NDUFAF6: variants seen among roughly 807,000 people sequenced by gnomAD.
NDUFAF6 encodes NADH:ubiquinone oxidoreductase complex assembly factor 6.
Under a neutral mutation model 40.8 loss-of-function variants are expected in NDUFAF6, and 45 were observed. The observed-to-expected ratio is 1.10, with a 90% CI of 0.87 to 1.42. The LOEUF is 1.42. NDUFAF6 is among the 40% of genes most tolerant of loss of function. The pLI is 0.00. For missense variants in NDUFAF6, 435 were observed against 418.5 expected, an observed-to-expected ratio of 1.04 and a Z score of -0.34; for synonymous variants, 185 against 155.9, an observed-to-expected ratio of 1.19 and a Z score of -1.39.
intron 2 of NDUFAF6, among the ~76,000 whole-genome samples, chr8:95,006,183 C>A (rs1165500650): frequency 4.0e-5 from 6 of 151,664 alleles, no homozygotes; most frequent in Admixed American, 3.9e-4. Flanking sequence ...CATGGTGAAA[C>A]CCTGTCTCTA....
chr8:95,052,207 G>A lies in NDUFAF6; in HGVS notation c.850G>A (p.Ala284Thr), dbSNP rs1831515972. ...CTTTCACAAAACTGTTCCTGTGAAA[G>A]CATTTCCTGCTTTTCTTCAGACGGT... Reference protein sequence around the residue: ...RSFHKTVPVKAFPAFLQTVSL... With the variant: ...RSFHKTVPVKTFPAFLQTVSL... Residue 284 changes from alanine to threonine, a missense_variant, in exon 8 of 9, where the codon GCA (alanine) becomes ACA (threonine). Physicochemically the swap from Ala to Thr is moderately conservative, Grantham distance 58. Transcript: ENST00000396124. The A allele has an allele frequency of 1.9e-6, 3 of 1,614,090 alleles. No individual in the cohort carries two copies. Among genetic ancestry groups the A allele is most frequent in the Admixed American group, 1.7e-5 (1 of 60,028 alleles).
Position 94,959,530 on chromosome 8 carries a change from G to GT in NDUFAF6, c.-199+1359dup, listed in dbSNP as rs3039193. Among the ~76,000 whole-genome samples, 20 of 146,480 alleles carry GT rather than the reference G, an allele frequency of 1.4e-4. 1 individual carries two copies. The highest frequency in any genetic ancestry group is 1.2e-3 in the East Asian group (6 of 5,020). On this transcript the variant is annotated intron_variant, in intron 1 of 9. Coordinates refer to the NDUFAF6 transcript ENST00000396111. Reference sequence around the variant, plus strand: ...GCCAATTTTTTTGTTGTTGCTTTTTGTTTTTTTTGTTTTTTTTTTAGAGAC... The same window carrying GT: ...GCCAATTTTTTTGTTGTTGCTTTTTGTTTTTTTTTGTTTTTTTTTTAGAGAC...
At chr8:95,060,123 C>T (rs1052084950), downstream of NDUFAF6, among the ~76,000 whole-genome samples, 2 of 152,010 alleles carry the variant, frequency 1.3e-5, no homozygotes, top group South Asian at 4.2e-4. Context: ...ACTTTCTAAA[C>T]CATTTTAAAT....
Position 94,951,959 on chromosome 8 carries a change from G to A in NDUFAF6, c.-798-6036G>A, listed in dbSNP as rs114905356. Among the ~76,000 whole-genome samples the A allele has an allele frequency of 1.8e-3, 279 of 152,320 alleles. 1 individual carries two copies. Among genetic ancestry groups the A allele is most frequent in the African/African-American group, 5.8e-3 (241 of 41,576 alleles). Reference sequence around the variant, plus strand: ...TGTTCACTGACAAAGACCCAGCCAGGTTCCCTGCCTGGGCAGATCCAGTGA... The same window carrying A: ...TGTTCACTGACAAAGACCCAGCCAGATTCCCTGCCTGGGCAGATCCAGTGA... On this transcript the variant is annotated intron_variant, in intron 2 of 14. Transcript: ENST00000396113.
chr8:94,978,347 G>C (rs571014828), intron 1 of NDUFAF6, among the ~76,000 whole-genome samples: 2 of 152,070 alleles, frequency 1.3e-5, no homozygotes, highest in Admixed American at 6.6e-5. Context: ...TTGCCCTCAG[G>C]ACACTTTTGG....
intron 2 of NDUFAF6, chr8:94,949,994 A>G (rs1822436680): frequency 7.2e-5 from 11 of 152,460 alleles, no homozygotes; most frequent in Admixed American, 7.2e-4. Context: ...ACCGCCACCG[A>G]GAGCCGGCCG....
chr8:95,049,994 T>C (rs1831250445), intron 7 of NDUFAF6, among the ~76,000 whole-genome samples: 1 of 152,238 alleles, frequency 6.6e-6, no homozygotes, highest in African/African-American at 2.4e-5. Flanking sequence ...CTTCAGCTTC[T>C]TTTTAATTTC....
At chr8:95,117,833 C>G (rs1396410564), downstream of NDUFAF6, among the ~76,000 whole-genome samples, 4 of 152,178 alleles carry the variant, frequency 2.6e-5, no homozygotes, top group African/African-American at 9.7e-5. Context: ...ACAAAGCAGC[C>G]TGGATCACTG....
intron 2 of NDUFAF6, among the ~76,000 whole-genome samples, chr8:95,010,370 A>G (rs1212533377): frequency 1.3e-5 from 2 of 152,192 alleles, no homozygotes; most frequent in African/African-American, 4.8e-5. Context: ...TACAGGTGTG[A>G]GCCACTGCAC....
chr8:94,983,051 A>G (rs1825572332), intron 2 of NDUFAF6, among the ~76,000 whole-genome samples: 1 of 152,194 alleles, frequency 6.6e-6, no homozygotes, highest in African/African-American at 2.4e-5. Context: ...TTCTTCTACT[A>G]TAAAGTGGTA....
At chr8:95,075,580 C>A in intron 9 of NDUFAF6, 5 of 1,274,900 alleles carry the variant, frequency 3.9e-6, no homozygotes, top group Non-Finnish European at 4.1e-6. Flanking sequence ...GGAATGTTTC[C>A]CTAGAATTTT....
chr8:94,896,147 C>T (rs1817537945), intron 1 of NDUFAF6, among the ~76,000 whole-genome samples: 1 of 152,060 alleles, frequency 6.6e-6, no homozygotes, highest in Non-Finnish European at 1.5e-5. Context: ...AACCCCTCTC[C>T]GGAGCGGGGC....
At chr8:94,960,601 G>C (rs181835633) in intron 1 of NDUFAF6, among the ~76,000 whole-genome samples, 3 of 152,168 alleles carry the variant, frequency 2.0e-5, no homozygotes, top group Admixed American at 6.5e-5. Context: ...TTGGCAGAAC[G>C]CTAAATCCCT....
chr8:94,944,982 T>C (rs1316562768), intron 1 of NDUFAF6, among the ~76,000 whole-genome samples: 1 of 152,176 alleles, frequency 6.6e-6, no homozygotes, highest in African/African-American at 2.4e-5. Context: ...CCTCCCCCCA[T>C]TGCTAAAACT....
chr8:94,908,622 A>G (rs1358113757), intron 1 of NDUFAF6, among the ~76,000 whole-genome samples: 2 of 152,138 alleles, frequency 1.3e-5, no homozygotes, highest in East Asian at 3.8e-4. Context: ...CTCCCATCTC[A>G]GCCTCCCAAA....
chr8:94,932,173 T>C, intron 1 of NDUFAF6: 2 of 1,531,704 alleles, frequency 1.3e-6, no homozygotes, highest in Non-Finnish European at 8.9e-7. Flanking sequence ...GTAACTTTAC[T>C]ATTAGGACGT....
At chr8:95,011,153 C>T (rs759747323) in intron 2 of NDUFAF6, among the ~76,000 whole-genome samples, 4 of 152,180 alleles carry the variant, frequency 2.6e-5, no homozygotes, top group South Asian at 2.1e-4. Flanking sequence ...CTCCATGTGT[C>T]GTGGGAGCAT....
chr8:94,977,302 A>G (rs1825041342), intron 1 of NDUFAF6, among the ~76,000 whole-genome samples: 1 of 152,018 alleles, frequency 6.6e-6, no homozygotes, highest in South Asian at 2.1e-4. Flanking sequence ...ACTTGAGGCC[A>G]GAAGTACAAG....
At chr8:95,108,437 G>A (rs749409488), downstream of NDUFAF6, among the ~76,000 whole-genome samples, 6 of 152,136 alleles carry the variant, frequency 3.9e-5, no homozygotes, top group Non-Finnish European at 7.4e-5. Flanking sequence ...ATTGTACTAA[G>A]TAAAATAAGC....
Sources: allele counts gnomAD v4.1 joint callset (sites outside exome capture counted in the v4.1 genomes callset), GRCh38; gene constraint gnomAD v4.1.1; transcripts MANE v1.5; gene names NCBI Gene and HGNC (gene_info 2026-07-23, HGNC 2026-07-21).